The following KNDC1 variants were observed in gnomAD, a reference collection of about 807,000 sequenced individuals.
The protein encoded by KNDC1 is kinase non-catalytic C-lobe domain-containing protein 1.
In KNDC1, 106 loss-of-function variants were observed where a neutral mutation model predicts 172.8. The observed-to-expected ratio is 0.61, with a 90% CI of 0.52 to 0.72. The LOEUF is 0.72. Among genes scored for constraint, KNDC1 ranks in the 30% least tolerant of loss-of-function variants. KNDC1 has a pLI of 0.00. For synonymous variants in KNDC1, 1,083 were observed against 1,062.2 expected (o/e 1.02, Z -0.38); for missense variants, 2,325 against 2,394.5 (o/e 0.97, Z 0.61).
chr10:133,217,094 G>A (rs1564900748), intron 26 of KNDC1, among the ~76,000 whole-genome samples: 3 of 152,276 alleles, frequency 2.0e-5, no homozygotes, highest in Non-Finnish European at 4.4e-5. Flanking sequence ...TCGCAGACAT[G>A]CTGCACAGTG....
intron 29 of KNDC1, among the ~76,000 whole-genome samples, chr10:133,222,576 AGT>A (rs543278843): frequency 1.4e-4 from 1 of 7,348 alleles, no homozygotes. Flanking sequence ...TGCTCTTCCC[AGT>A]GTGTGTGTGT....
At chr10:133,202,882 C>T (rs183394337) in intron 17 of KNDC1, among the ~76,000 whole-genome samples, 231 of 152,332 alleles carry the variant, frequency 1.5e-3, no homozygotes, top group Admixed American at 2.1e-3. Flanking sequence ...GCTTCGAGGA[C>T]GCAAAGGCCG....
intron 23 of KNDC1, 96 bp downstream of exon 23, chr10:133,211,954 C>T: frequency 3.3e-6 from 4 of 1,223,488 alleles, no homozygotes; most frequent in Non-Finnish European, 3.4e-6. Flanking sequence ...CACACACATA[C>T]ACACAAGTGC....
Position 133,215,403 on chromosome 10 carries a change from C to T in KNDC1, c.4677+1281C>T, listed in dbSNP as rs137953027. ...CCCGCAGGCAACCCCGGGCCGTAAA[C>T]GAAGGCAGAGGCACCGCCTTCTCTC... On this transcript the variant is annotated intron_variant, in intron 26 of 29. Transcript: ENST00000304613. Among the ~76,000 whole-genome samples the T allele has an allele frequency of 7.2e-5, 11 of 152,354 alleles. No individual in the cohort carries two copies. The South Asian group carries it at 1.0e-3, about 14-fold the overall frequency.
rs1854214907 is a variant in KNDC1 at position 133,197,134 on chromosome 10, A to T, written c.1811A>T (p.Gln604Leu). The T allele has an allele frequency of 6.2e-7, 1 of 1,612,270 alleles. No homozygotes were observed. The highest frequency in any genetic ancestry group is 8.5e-7 in the Non-Finnish European group (1 of 1,179,192). Residue 604 changes from glutamine (Q) to leucine (L), a missense_variant and splice_region_variant, in exon 11 of 30, where the codon CAG (glutamine) becomes CTG (leucine). Physicochemically the swap from Gln to Leu is moderately radical, Grantham distance 113. Transcript: ENST00000304613. The stretch of plus-strand genomic sequence containing the variant: ...GCCCACCTCAGAGCTTCCATCTGCC[A>T]GGTGGGCTAGAACAGCCAGGCCGCC... Reference protein sequence around the residue: ...ILAHLRASICQVYQEEETISL... With the variant: ...ILAHLRASICLVYQEEETISL...
Position 133,160,521 on chromosome 10 carries a change from C to T in KNDC1, c.54C>T (p.Asp18=), listed in dbSNP as rs1370888640. The T allele has an allele frequency of 6.3e-7, 1 of 1,592,006 alleles. No individual in the cohort carries two copies. Among genetic ancestry groups the T allele is most frequent in the Non-Finnish European group, 8.5e-7 (1 of 1,171,156 alleles). Residue 18 remains aspartate (D), a synonymous_variant, in exon 1 of 30, where the codon GAC becomes GAT. Transcript: ENST00000304613. ...AADLYEEDGK[D]LDFYDFEPLP... ...ATCTTTACGAGGAGGACGGCAAAGA[C>T]CTGGACTTCTACGACTTCGAGCCGC...
chr10:133,204,938 C>G (rs1278449321), intron 17 of KNDC1, among the ~76,000 whole-genome samples: 1 of 152,094 alleles, frequency 6.6e-6, no homozygotes, highest in Non-Finnish European at 1.5e-5. Flanking sequence ...TCACAGTCCC[C>G]CTGAAGACCT....
At chr10:133,212,000 CGT>C (rs1845377093) in intron 23 of KNDC1, 142 bp downstream of exon 23, 2 of 755,028 alleles carry the variant, frequency 2.6e-6, no homozygotes, top group African/African-American at 1.8e-5. Context: ...TACACATAGA[CGT>C]GTGCACATAC....
At chr10:133,168,792 G>A (rs934977084) in intron 3 of KNDC1, among the ~76,000 whole-genome samples, 10 of 152,240 alleles carry the variant, frequency 6.6e-5, no homozygotes, top group African/African-American at 9.6e-5. Flanking sequence ...GGGTATGGGC[G>A]TGGGCATGGG....
At chr10:133,172,180 A>G (rs1853397064) in intron 3 of KNDC1, among the ~76,000 whole-genome samples, 2 of 150,862 alleles carry the variant, frequency 1.3e-5, no homozygotes, top group South Asian at 4.2e-4. Context: ...GAAACTGACC[A>G]CTCCCCCCAT....
chr10:133,199,502 T>C lies in KNDC1; in HGVS notation c.2803T>C (p.Cys935Arg). The stretch of plus-strand genomic sequence containing the variant: ...GAAAGATCTCACCTTTGCCACTTTC[T>C]GTGGCGCCATTTCCGAGAAGTTCTG... ...ALKDLTFATF[C>R]GAISEKFCDL... Residue 935 changes from cysteine to arginine, a missense_variant, in exon 15 of 30, where the codon TGT becomes CGT. Coordinates refer to ENST00000304613, the MANE Select transcript of KNDC1 (RefSeq NM_152643.8). 2 of 1,613,936 alleles carry C rather than the reference T, an allele frequency of 1.2e-6. No individual in the cohort carries two copies. The highest frequency in any genetic ancestry group is 1.7e-6 in the Non-Finnish European group (2 of 1,179,986).
chr10:133,164,906 AG>A lies in KNDC1; in HGVS notation c.103-2473del, dbSNP rs144409651. On this transcript the variant is annotated intron_variant, in intron 1 of 29. Transcript: ENST00000304613. ...TCCTCTCGTCCTGTCCTGGCCTCTT[AG>A]GCCTGTCTGACCCCCCCTTGCTCAC... Among the ~76,000 whole-genome samples the A allele has an allele frequency of 3.6e-3, 542 of 152,198 alleles. 3 individuals are homozygous for A. Among genetic ancestry groups the A allele is most frequent in the African/African-American group, 0.012 (519 of 41,532 alleles).
Position 133,201,750 on chromosome 10 carries a change from C to A in KNDC1, c.3239C>A (p.Ser1080Tyr), listed in dbSNP as rs758135763. 2 of 1,573,314 alleles carry A rather than the reference C, an allele frequency of 1.3e-6. No individual in the cohort carries two copies. Among genetic ancestry groups the A allele is most frequent in the Non-Finnish European group, 1.7e-6 (2 of 1,159,750 alleles). The change falls in exon 17 of 30, where the codon TCC becomes TAC. Residue 1080 changes from serine (S) to tyrosine (Y), a missense_variant. Ser to Tyr is a moderately radical substitution (Grantham distance 144, BLOSUM62 -2). Coordinates refer to ENST00000304613, the MANE Select transcript of KNDC1 (RefSeq NM_152643.8). ...ARSKGVGPAL[S>Y]PGPAGFQSCS... ...TCCAAAGGGGTCGGCCCAGCCTTGT[C>A]CCCCGGCCCAGCCGGATTCCAGAGC...
chr10:133,184,517 T>G (rs1853835762), intron 5 of KNDC1, among the ~76,000 whole-genome samples: 1 of 152,238 alleles, frequency 6.6e-6, no homozygotes, highest in African/African-American at 2.4e-5. Flanking sequence ...ATATTCACTC[T>G]TGCTCACAGT....
In KNDC1 at chr10:133,219,104, A is replaced by G; in HGVS notation, c.4860+14A>G. The G allele has an allele frequency of 6.2e-7, 1 of 1,612,132 alleles. No individual in the cohort carries two copies. Among genetic ancestry groups the G allele is most frequent in the African/African-American group, 1.3e-5 (1 of 75,042 alleles). On this transcript the variant is annotated intron_variant, in intron 28 of 29. Coordinates refer to ENST00000304613, the MANE Select transcript of KNDC1 (RefSeq NM_152643.8). ...AAAGCCGTGGAGGTACCAGCACTTT[A>G]CGTGGCCGGGCGGCTTTGGTCCCCC... is the stretch of plus-strand genomic sequence containing the variant.
Position 133,186,179 on chromosome 10 carries a change from G to T in KNDC1, c.831G>T (p.Gly277=). Residue 277 remains glycine (G), a synonymous_variant, in exon 6 of 30, where the codon GGG becomes GGT. Transcript: ENST00000304613. ...VRNGESHSRE[G]LAGLVLDAER... ...ATGGCGAGAGCCACAGCCGGGAGGGGCTGGCCGGCCTCGTCCTGGATGCCG... is the reference window on the plus strand; with the variant it reads ...ATGGCGAGAGCCACAGCCGGGAGGGTCTGGCCGGCCTCGTCCTGGATGCCG... The T allele has an allele frequency of 1.9e-6, 3 of 1,576,276 alleles. No homozygotes were observed. The highest frequency in any genetic ancestry group is 1.7e-4 in the Middle Eastern group (1 of 5,856).
Position 133,167,555 on chromosome 10 carries a change from G to C in KNDC1, c.277G>C (p.Val93Leu), listed in dbSNP as rs375994166. ...DTLAFNTSGN[V>L]CFMEQLSDDP... Reference sequence around the variant, plus strand: ...CCTGGCCTTCAACACCAGCGGGAACGTGTGTTTCATGGAGCAGCTCAGCGG... The same window carrying C: ...CCTGGCCTTCAACACCAGCGGGAACCTGTGTTTCATGGAGCAGCTCAGCGG... The change falls in exon 2 of 30, where the codon GTG becomes CTG. Residue 93 changes from valine to leucine, a missense_variant. Val to Leu is a conservative substitution (Grantham distance 32, BLOSUM62 1). Coordinates refer to ENST00000304613, the MANE Select transcript of KNDC1 (RefSeq NM_152643.8). 1 of 1,599,862 alleles carries C rather than the reference G, an allele frequency of 6.3e-7. No individual in the cohort carries two copies. Among genetic ancestry groups the C allele is most frequent in the Admixed American group, 1.7e-5 (1 of 58,400 alleles).
chr10:133,205,198 CAGA>C (rs781735104), intron 17 of KNDC1, among the ~76,000 whole-genome samples: 24 of 152,328 alleles, frequency 1.6e-4, no homozygotes, highest in Admixed American at 8.5e-4. Context: ...TCCCGTAGGA[CAGA>C]AGGAGTGCTC....
Position 133,222,155 on chromosome 10 carries a change from C to G in KNDC1, c.5018+2043C>G, listed in dbSNP as rs186106749. Among the ~76,000 whole-genome samples, 463 of 148,070 alleles carry G rather than the reference C, an allele frequency of 3.1e-3. 14 individuals are homozygous for G. The highest frequency in any genetic ancestry group is 0.027 in the Admixed American group (407 of 14,878). On this transcript the variant is annotated intron_variant, in intron 29 of 29. Coordinates refer to ENST00000304613, the MANE Select transcript of KNDC1 (RefSeq NM_152643.8). ...AAAATTAGCCGGGCGCGGTGGCGGG[C>G]GCCTGTAGTCCCAGCTACTCGGGAG...
Sources: gnomAD v4.1 joint callset for allele counts (sites outside exome capture counted in the v4.1 genomes callset) on GRCh38, gnomAD v4.1.1 for gene constraint, MANE v1.5 for transcripts, NCBI Gene and HGNC (gene_info 2026-07-23, HGNC 2026-07-21) for gene names.